Variants in MARCHF1 observed in about 807,000 individuals in gnomAD.
The protein encoded by MARCHF1 is E3 ubiquitin-protein ligase MARCHF1.
In MARCHF1, 40 loss-of-function variants were observed where a neutral mutation model predicts 54.2. That is an observed-to-expected ratio of 0.74 (90% CI 0.57 to 0.96). The LOEUF (loss-of-function observed/expected upper bound fraction) is 0.96. Among genes scored for constraint, MARCHF1 ranks in the 40% least tolerant of loss-of-function variants. The pLI, the probability that MARCHF1 is intolerant of heterozygous loss-of-function variation, is 0.00. For missense variants in MARCHF1, 586 were observed against 656.5 expected, an observed-to-expected ratio of 0.89 and a Z score of 1.17; for synonymous variants, 236 against 236.3, an observed-to-expected ratio of 1.00 and a Z score of 0.01.
At chr4:164,335,345 G>A (rs1257173604) in intron 1 of MARCHF1, among the ~76,000 whole-genome samples, 37 of 152,178 alleles carry the variant, frequency 2.4e-4, no homozygotes, top group Admixed American at 2.4e-3. Context: ...CACTTTGGGA[G>A]GCTGAGGTGG....
At chr4:163,617,905 A>G (rs990404898) in intron 5 of MARCHF1, among the ~76,000 whole-genome samples, 2 of 152,218 alleles carry the variant, frequency 1.3e-5, no homozygotes, top group African/African-American at 4.8e-5. Context: ...AGACATGATC[A>G]TAATAAAACA....
At chr4:164,035,484 A>G (rs921766697) in intron 2 of MARCHF1, among the ~76,000 whole-genome samples, 2 of 151,836 alleles carry the variant, frequency 1.3e-5, no homozygotes, top group Admixed American at 6.6e-5. Context: ...AAAAAAAACT[A>G]CATAACTTTT....
chr4:164,080,934 C>T (rs921610127), intron 2 of MARCHF1, among the ~76,000 whole-genome samples: 4 of 151,468 alleles, frequency 2.6e-5, no homozygotes, highest in African/African-American at 7.3e-5. Context: ...TTTGGCCGGG[C>T]GTGGTGGCTC....
At chr4:163,833,464 C>G (rs1749088996) in intron 4 of MARCHF1, among the ~76,000 whole-genome samples, 1 of 152,052 alleles carries the variant, frequency 6.6e-6, no homozygotes, top group Non-Finnish European at 1.5e-5. Flanking sequence ...TTGCAACCTA[C>G]TCATCTGACA....
intron 1 of MARCHF1, among the ~76,000 whole-genome samples, chr4:164,138,816 T>G (rs1467879815): frequency 6.6e-6 from 1 of 152,150 alleles, no homozygotes; most frequent in Non-Finnish European, 1.5e-5. Context: ...CTTAGAGAGA[T>G]TAAATTTTTG....
intron 1 of MARCHF1, among the ~76,000 whole-genome samples, chr4:164,171,840 T>G (rs2110977620): frequency 6.6e-6 from 1 of 152,346 alleles, no homozygotes; most frequent in African/African-American, 2.4e-5. Flanking sequence ...AATCTAAGGT[T>G]AAGGAAACAA....
chr4:163,999,525 T>C (rs1419482792), intron 2 of MARCHF1, among the ~76,000 whole-genome samples: 1 of 151,442 alleles, frequency 6.6e-6, no homozygotes, highest in Non-Finnish European at 1.5e-5. Context: ...TGATTAAATA[T>C]AAAGATGCTT....
At chr4:163,861,928 A>G (rs916969627) in intron 3 of MARCHF1, among the ~76,000 whole-genome samples, 1 of 152,096 alleles carries the variant, frequency 6.6e-6, no homozygotes, top group African/African-American at 2.4e-5. Flanking sequence ...GAATAGAGTC[A>G]ACTCATCTTT....
chr4:164,035,853 G>T (rs1753983227), intron 2 of MARCHF1, among the ~76,000 whole-genome samples: 1 of 150,704 alleles, frequency 6.6e-6, no homozygotes, highest in Non-Finnish European at 1.5e-5. Context: ...GGGGGAGGCG[G>T]GTGGATCACC....
intron 1 of MARCHF1, among the ~76,000 whole-genome samples, chr4:164,144,235 C>A (rs975883648): frequency 3.3e-5 from 5 of 151,208 alleles, no homozygotes; most frequent in South Asian, 4.2e-4. Flanking sequence ...GACTTTAACA[C>A]CCCACTGTCA....
At chr4:163,787,996 A>G (rs1747669234) in intron 4 of MARCHF1, among the ~76,000 whole-genome samples, 1 of 152,022 alleles carries the variant, frequency 6.6e-6, no homozygotes, top group South Asian at 2.1e-4. Context: ...AATATTGTAT[A>G]CTTTGACGTA....
intron 2 of MARCHF1, among the ~76,000 whole-genome samples, chr4:164,079,507 A>G (rs1755051226): frequency 6.6e-6 from 1 of 152,148 alleles, no homozygotes; most frequent in African/African-American, 2.4e-5. Context: ...TCTAGACAAC[A>G]TCTCTTCTTA....
chr4:163,681,182 C>T lies in MARCHF1; in HGVS notation c.162+19631G>A, dbSNP rs1744091306. 2.0e-5 allele frequency among the ~76,000 whole-genome samples: 3 copies of T among 152,004 alleles called. No homozygotes were observed. In the South Asian group the frequency reaches 6.2e-4, roughly 32 times the overall value. On this transcript the variant is annotated intron_variant, in intron 5 of 9. Coordinates refer to ENST00000514618, the MANE Select transcript of MARCHF1 (RefSeq NM_001394959.1). ...TGCTATCACATGCATATGGGAATTGCTAAGATATCTCCCTTTTCCTGACTA... is the reference window on the plus strand; with the variant it reads ...TGCTATCACATGCATATGGGAATTGTTAAGATATCTCCCTTTTCCTGACTA...
intron 1 of MARCHF1, among the ~76,000 whole-genome samples, chr4:164,316,287 G>A (rs1283837449): frequency 6.6e-6 from 1 of 152,014 alleles, no homozygotes; most frequent in African/African-American, 2.4e-5. Flanking sequence ...TTGAGGAGAG[G>A]GATTTGATAA....
chr4:163,795,351 T>C (rs1747883054), intron 4 of MARCHF1, among the ~76,000 whole-genome samples: 1 of 152,158 alleles, frequency 6.6e-6, no homozygotes, highest in African/African-American at 2.4e-5. Context: ...TGCCTCAGCC[T>C]CCTGAGTAGC....
At chr4:163,864,352 A>T (rs1750005754) in intron 3 of MARCHF1, among the ~76,000 whole-genome samples, 1 of 151,970 alleles carries the variant, frequency 6.6e-6, no homozygotes, top group African/African-American at 2.4e-5. Context: ...ATCTCAATTG[A>T]GGAACACTCT....
At chr4:163,942,407 G>A (rs117704024) in intron 3 of MARCHF1, among the ~76,000 whole-genome samples, 1 of 152,158 alleles carries the variant, frequency 6.6e-6, no homozygotes, top group Admixed American at 6.5e-5. Flanking sequence ...TGATGATAAG[G>A]AGAATTGTTC....
intron 2 of MARCHF1, among the ~76,000 whole-genome samples, chr4:164,026,317 T>C (rs966863486): frequency 2.8e-4 from 43 of 152,100 alleles, no homozygotes; most frequent in African/African-American, 9.2e-4. Context: ...CTGATGAACG[T>C]AGATTCATAA....
chr4:163,619,967 T>A (rs1197383365), intron 5 of MARCHF1, among the ~76,000 whole-genome samples: 1 of 152,264 alleles, frequency 6.6e-6, no homozygotes, highest in Non-Finnish European at 1.5e-5. Flanking sequence ...ACCAAAACCA[T>A]CCTGGACAAA....
Sources: gnomAD v4.1 joint callset for allele counts (sites outside exome capture counted in the v4.1 genomes callset) on GRCh38, gnomAD v4.1.1 for gene constraint, MANE v1.5 for transcripts, NCBI Gene and HGNC (gene_info 2026-07-23, HGNC 2026-07-21) for gene names.